The following TUBGCP4 variants were observed in gnomAD, a reference collection of about 807,000 sequenced individuals.
TUBGCP4 encodes tubulin gamma complex component 4, also known as gamma-tubulin complex component 4.
Under a neutral mutation model 91.6 loss-of-function variants are expected in TUBGCP4, and 54 were observed. The observed-to-expected ratio is 0.59, with a 90% CI of 0.47 to 0.74. The LOEUF (loss-of-function observed/expected upper bound fraction) is 0.74. Ranked by LOEUF, TUBGCP4 falls within the 30% of genes least tolerant of loss-of-function variation. The pLI, the probability that TUBGCP4 is intolerant of heterozygous loss-of-function variation, is 0.00. For synonymous variants in TUBGCP4, 297 were observed against 302.8 expected, an observed-to-expected ratio of 0.98 and a Z score of 0.20; for missense variants, 593 against 800.9, an observed-to-expected ratio of 0.74 and a Z score of 3.13.
At chr15:43,375,790 C>G (rs2044196260) in intron 1 of TUBGCP4, among the ~76,000 whole-genome samples, 1 of 152,194 alleles carries the variant, frequency 6.6e-6, no homozygotes, top group Admixed American at 6.5e-5. Context: ...GAGACCATCC[C>G]TAGAAGATTG....
At chr15:43,374,446 A>G (rs921860718) in intron 1 of TUBGCP4, among the ~76,000 whole-genome samples, 2 of 151,474 alleles carry the variant, frequency 1.3e-5, no homozygotes, top group African/African-American at 4.8e-5. Flanking sequence ...CCATCTCTAC[A>G]AAAAAAAAAT....
At position 43,376,504 on chromosome 15, in the gene TUBGCP4, A is replaced by T. The variant is rs771002543; in HGVS notation, c.209A>T (p.Asp70Val). 2.5e-6 allele frequency: 4 copies of T among 1,614,130 alleles called. No individual in the cohort carries two copies. In the East Asian group the frequency reaches 6.7e-5, roughly 27 times the overall value. ...EQYTGHVQQQ[D>V]HHPSQQGQGG... is the part of the protein sequence containing the mutation. ...TGGCTTCTGTTTGTTTGATTTCAGG[A>T]TCACCATCCATCTCAACAGGGCCAA... Residue 70 changes from aspartate to valine, a missense_variant and splice_region_variant, in exon 3 of 18, where the codon GAT becomes GTT. Transcript: ENST00000564079.
intron 9 of TUBGCP4, among the ~76,000 whole-genome samples, chr15:43,392,329 AT>A (rs1320471302): frequency 6.7e-6 from 1 of 149,412 alleles, no homozygotes; most frequent in African/African-American, 2.6e-5. Context: ...TTTTCATTAT[AT>A]TCTATATAAT....
intron 6 of TUBGCP4, among the ~76,000 whole-genome samples, chr15:43,383,002 G>A (rs1056456907): frequency 2.0e-5 from 3 of 151,792 alleles, no homozygotes; most frequent in African/African-American, 7.3e-5. Context: ...ATTTTTTATT[G>A]CTATAAAACA....
chr15:43,371,114 C>G lies in TUBGCP4; in HGVS notation c.-241C>G. ...CGACCGCGACTCAGTCTCCGCAGAGCCCGGGCGGGAGTAGCTGGTGGACCC... is the reference window on the plus strand; with the variant it reads ...CGACCGCGACTCAGTCTCCGCAGAGGCCGGGCGGGAGTAGCTGGTGGACCC... On this transcript the variant is annotated 5_prime_UTR_variant, in exon 1 of 18. Coordinates refer to ENST00000564079, the MANE Select transcript of TUBGCP4 (RefSeq NM_014444.5). 1 of 587,268 alleles carries G rather than the reference C, an allele frequency of 1.7e-6. No individual in the cohort carries two copies. The highest frequency in any genetic ancestry group is 1.9e-5 in the South Asian group (1 of 52,260). The allele number at this position is 587,268 out of a possible 1,614,324, so 36.4% of individuals were successfully genotyped here.
chr15:43,376,060 G>A (rs779609978), intron 1 of TUBGCP4, 38 bp from the exon 2 acceptor site: 4 of 1,606,304 alleles, frequency 2.5e-6, no homozygotes, highest in African/African-American at 1.3e-5. Context: ...TTGGGGCAGC[G>A]ACTGGCGGTG....
At chr15:43,393,483 A>C (rs1403066035) in intron 9 of TUBGCP4, among the ~76,000 whole-genome samples, 2 of 151,540 alleles carry the variant, frequency 1.3e-5, no homozygotes, top group Non-Finnish European at 2.9e-5. Context: ...TTTAGGGTAC[A>C]TGTGCACAAT....
chr15:43,377,966 T>G, intron 5 of TUBGCP4, 63 bp downstream of exon 5: 1 of 1,324,840 alleles, frequency 7.5e-7, no homozygotes. Context: ...TAATTAATTT[T>G]GCTTTACATT....
At position 43,401,706 on chromosome 15, in the gene TUBGCP4, T is replaced by C; in HGVS notation, c.1597-10T>C. On this transcript the variant is annotated splice_polypyrimidine_tract_variant and intron_variant, in intron 14 of 17. Coordinates refer to ENST00000564079, the MANE Select transcript of TUBGCP4 (RefSeq NM_014444.5). Reference sequence around the variant, plus strand: ...TGCAAAGTGCTAAAATTTTTTGTAATGTCTATCAGGTAGATGTGTTGGAGT... The same window carrying C: ...TGCAAAGTGCTAAAATTTTTTGTAACGTCTATCAGGTAGATGTGTTGGAGT... The C allele has an allele frequency of 6.2e-7, 1 of 1,612,918 alleles. No individual in the cohort carries two copies. Among genetic ancestry groups the C allele is most frequent in the Non-Finnish European group, 8.5e-7 (1 of 1,179,660 alleles).
At chr15:43,376,987 C>T in intron 3 of TUBGCP4, 27 bp from the exon 4 acceptor site, 2 of 1,583,422 alleles carry the variant, frequency 1.3e-6, no homozygotes, top group African/African-American at 1.3e-5. Flanking sequence ...TTGTGTGGAG[C>T]TCTAATCACA....
chr15:43,408,827 T>C lies in TUBGCP4; in HGVS notation c.*3613T>C, dbSNP rs528140607. On this transcript the variant is annotated 3_prime_UTR_variant, in exon 18 of 18. Coordinates refer to ENST00000564079, the MANE Select transcript of TUBGCP4 (RefSeq NM_014444.5). ...TTCTAGAAAGCTTTACTCTCTCACC[T>C]AGATTCTCTTCCCTCCAAAGCTTGC... 6.7e-7 allele frequency: 1 copy of C among 1,490,704 alleles called. No individual in the cohort carries two copies. The highest frequency in any genetic ancestry group is 9.3e-7 in the Non-Finnish European group (1 of 1,071,392). The allele number at this position is 1,490,704 out of a possible 1,614,324, so 92.3% of individuals were successfully genotyped here. A position where few individuals can be genotyped will look rare whatever the true frequency, so the allele number is the denominator to read the frequency against.
At chr15:43,382,408 A>G (rs2044298829) in intron 6 of TUBGCP4, among the ~76,000 whole-genome samples, 1 of 151,980 alleles carries the variant, frequency 6.6e-6, no homozygotes, top group South Asian at 2.1e-4. Context: ...TTCACATACT[A>G]CATTTTGTTC....
chr15:43,395,009 T>A (rs1402714148), intron 9 of TUBGCP4, 98 bp from the exon 10 acceptor site: 10 of 1,318,224 alleles, frequency 7.6e-6, no homozygotes, highest in Non-Finnish European at 1.1e-5. Context: ...CAAGGTATAG[T>A]CTTCTTTTAA....
In TUBGCP4 at chr15:43,409,412, C is replaced by A. The variant is rs571744958; in HGVS notation, c.*4198C>A. The A allele has an allele frequency of 1.3e-4, 68 of 538,970 alleles. No homozygotes were observed. The Middle Eastern group carries it at 1.5e-3, about 12-fold the overall frequency. 33.4% of individuals were successfully genotyped at this position (538,970 alleles called of 1,614,324 possible). A position where few individuals can be genotyped will look rare whatever the true frequency, so the allele number is the denominator to read the frequency against. On this transcript the variant is annotated 3_prime_UTR_variant, in exon 18 of 18. Coordinates refer to ENST00000564079, the MANE Select transcript of TUBGCP4 (RefSeq NM_014444.5). Reference sequence around the variant, plus strand: ...TCTACTACTAAACATAAACATCAATCTTCTTTTGTCCCAGCAACAGAACCA... The same window carrying A: ...TCTACTACTAAACATAAACATCAATATTCTTTTGTCCCAGCAACAGAACCA...
rs1430465112 is a variant in TUBGCP4, at chr15:43,406,584, T to G, written c.*1370T>G. 8.8e-6 allele frequency: 4 copies of G among 455,938 alleles called. No individual in the cohort carries two copies. The highest frequency in any genetic ancestry group is 2.4e-5 in the Admixed American group (1 of 42,552). The allele number at this position is 455,938 out of a possible 1,614,324, so 28.2% of individuals were successfully genotyped here. A position where few individuals can be genotyped will look rare whatever the true frequency, so the allele number is the denominator to read the frequency against. On this transcript the variant is annotated 3_prime_UTR_variant, in exon 18 of 18. Coordinates refer to ENST00000564079, the MANE Select transcript of TUBGCP4 (RefSeq NM_014444.5). ...GGCCCACAAAGCCTGAAATATTTACTCTTTGACCCTTTACAGAAAAAAACC... is the reference window on the plus strand; with the variant it reads ...GGCCCACAAAGCCTGAAATATTTACGCTTTGACCCTTTACAGAAAAAAACC...
intron 1 of TUBGCP4, among the ~76,000 whole-genome samples, chr15:43,374,373 G>A (rs978384049): frequency 4.6e-5 from 7 of 152,152 alleles, no homozygotes; most frequent in African/African-American, 1.7e-4. Flanking sequence ...CTTTGGGAGG[G>A]TGAGGCTGGA....
intron 1 of TUBGCP4, among the ~76,000 whole-genome samples, chr15:43,375,733 T>C (rs2044195378): frequency 6.6e-6 from 1 of 152,176 alleles, no homozygotes; most frequent in Admixed American, 6.5e-5. Context: ...TGAGCAATAT[T>C]GCTAAAGAGA....
chr15:43,393,525 C>T (rs1465659142), intron 9 of TUBGCP4, among the ~76,000 whole-genome samples: 3 of 151,736 alleles, frequency 2.0e-5, no homozygotes, highest in Middle Eastern at 3.2e-3. Flanking sequence ...ATACATGTGC[C>T]ATGTTGGTGT....
At chr15:43,374,599 G>A (rs2044173957) in intron 1 of TUBGCP4, among the ~76,000 whole-genome samples, 1 of 151,876 alleles carries the variant, frequency 6.6e-6, no homozygotes, top group African/African-American at 2.4e-5. Flanking sequence ...GTGACAGAGT[G>A]AAACCTTGTC....
Sources: allele counts gnomAD v4.1 joint callset (sites outside exome capture counted in the v4.1 genomes callset), GRCh38; gene constraint gnomAD v4.1.1; transcripts MANE v1.5; gene names NCBI Gene and HGNC (gene_info 2026-07-23, HGNC 2026-07-21).